Variants in C9orf43 observed in about 807,000 individuals in gnomAD.
C9orf43 encodes the protein uncharacterized protein C9orf43.
In C9orf43, 45 loss-of-function variants were observed where a neutral mutation model predicts 59.1. The ratio of observed to expected loss-of-function variants is 0.76; its 90% CI spans 0.60 to 0.98. The LOEUF is 0.98. C9orf43 is among the 50% of genes least tolerant of loss of function. C9orf43 has a pLI of 0.00. For missense variants in C9orf43, 533 were observed against 554.9 expected (o/e 0.96, Z 0.40); for synonymous variants, 203 against 196.8 (o/e 1.03, Z -0.26).
Position 113,429,604 on chromosome 9 carries a change from C to T in C9orf43, c.*218C>T, listed in dbSNP as rs556632365. 29 of 498,702 alleles carry T rather than the reference C, an allele frequency of 5.8e-5. No individual in the cohort carries two copies. The highest frequency in any genetic ancestry group is 5.4e-4 in the African/African-American group (28 of 51,828). The allele number at this position is 498,702 out of a possible 1,614,324, so 30.9% of individuals were successfully genotyped here. A position where few individuals can be genotyped will look rare whatever the true frequency, so the allele number is the denominator to read the frequency against. On this transcript the variant is annotated 3_prime_UTR_variant, in exon 14 of 14. Coordinates refer to ENST00000374165, the MANE Select transcript of C9orf43 (RefSeq NM_001278629.2). Reference sequence around the variant, plus strand: ...TCTAAAATAAATGTAGGAGAAAAATCCCCAGCCTTTTTAAATTTAGATTAT... The same window carrying T: ...TCTAAAATAAATGTAGGAGAAAAATTCCCAGCCTTTTTAAATTTAGATTAT...
rs190929797 is a variant in C9orf43, at chr9:113,421,309, G to A, written c.446+106G>A. On this transcript the variant is annotated intron_variant, in intron 5 of 13. Coordinates refer to ENST00000374165, the MANE Select transcript of C9orf43 (RefSeq NM_001278629.2). ...CCATTTAGCCAGCTCATTGCAAGTA[G>A]CAGGAGGCCAAGCAGAGAAGGTCGT... 3 of 769,470 alleles carry A rather than the reference G, an allele frequency of 3.9e-6. No homozygotes were observed. In the Admixed American group the frequency reaches 6.2e-5, roughly 16 times the overall value. 47.7% of individuals were successfully genotyped at this position (769,470 alleles called of 1,614,324 possible). A position where few individuals can be genotyped will look rare whatever the true frequency, so the allele number is the denominator to read the frequency against.
chr9:113,423,469 C>T lies in C9orf43; in HGVS notation c.627C>T (p.Ser209=), dbSNP rs138997899. The change falls in exon 7 of 14, where the codon TCC becomes TCT. Residue 209 remains serine (S), a synonymous_variant. Coordinates refer to ENST00000374165, the MANE Select transcript of C9orf43 (RefSeq NM_001278629.2). ...SSDFLPLWAQ[S]EALPQDLLKE... Reference sequence around the variant, plus strand: ...ATTTCCTACCTCTCTGGGCTCAATCCGAAGCGTTACCTCAGGATCTACTGA... The same window carrying T: ...ATTTCCTACCTCTCTGGGCTCAATCTGAAGCGTTACCTCAGGATCTACTGA... The T allele has an allele frequency of 1.4e-4, 228 of 1,613,898 alleles. No individual in the cohort carries two copies. Among genetic ancestry groups the T allele is most frequent in the African/African-American group, 6.4e-4 (48 of 74,986 alleles).
At chr9:113,426,759 C>T (rs565118102) in intron 11 of C9orf43, among the ~76,000 whole-genome samples, 1 of 152,314 alleles carries the variant, frequency 6.6e-6, no homozygotes, top group Non-Finnish European at 1.5e-5. Context: ...GTTCTGGTGC[C>T]TTTTGTACCC....
Position 113,421,118 on chromosome 9 carries a change from T to A in C9orf43, c.361T>A (p.Leu121Met). Residue 121 changes from leucine (L) to methionine (M), a missense_variant, in exon 5 of 14, where the codon TTG (leucine) becomes ATG (methionine). Transcript: ENST00000374165. ...NRLPKFPVLN[L>M]NETQLPCPED... ...TTTCTCTTAGTTTCCAGTGTTGAAT[T>A]TGAATGAGACGCAACTTCCCTGCCC... 5 of 1,613,640 alleles carry A rather than the reference T, an allele frequency of 3.1e-6. No homozygotes were observed. Among genetic ancestry groups the A allele is most frequent in the Non-Finnish European group, 4.2e-6 (5 of 1,179,712 alleles).
chr9:113,417,355 A>G (rs148159704), intron 3 of C9orf43, among the ~76,000 whole-genome samples: 1 of 152,276 alleles, frequency 6.6e-6, no homozygotes, highest in African/African-American at 2.4e-5. Flanking sequence ...TGTTTGTCCA[A>G]CTGGATTTTA....
rs112294212 is a variant in C9orf43, at chr9:113,422,837, G to C, written c.483+252G>C. On this transcript the variant is annotated intron_variant, in intron 6 of 13. Transcript: ENST00000374165. ...AGGAACTGTTGCGTGTTCAGGGGGGGAGTTTTTGGTCAATTAAAAACGAAT... is the reference window on the plus strand; with the variant it reads ...AGGAACTGTTGCGTGTTCAGGGGGGCAGTTTTTGGTCAATTAAAAACGAAT... Among the ~76,000 whole-genome samples the C allele has an allele frequency of 4.6e-5, 7 of 152,058 alleles. No individual in the cohort carries two copies. The South Asian group carries it at 6.2e-4, about 14-fold the overall frequency.
intron 12 of C9orf43, among the ~76,000 whole-genome samples, chr9:113,428,676 G>A (rs952956065): frequency 1.3e-5 from 2 of 152,128 alleles, no homozygotes; most frequent in Admixed American, 6.6e-5. Flanking sequence ...TTTGGAGGCC[G>A]TCTGCCCTTA....
intron 11 of C9orf43, 68 bp from the exon 12 acceptor site, chr9:113,428,079 C>A: frequency 6.5e-7 from 1 of 1,532,776 alleles, no homozygotes; most frequent in Middle Eastern, 1.7e-4. Flanking sequence ...TAGGGGTCAC[C>A]TAGAAGCCCC....
chr9:113,421,253 A>T, intron 5 of C9orf43, 50 bp downstream of exon 5: 18 of 1,347,148 alleles, frequency 1.3e-5, no homozygotes, highest in Non-Finnish European at 1.9e-5. Flanking sequence ...TAAATCCCTG[A>T]TGTCTTCTGC....
chr9:113,423,224 T>C, intron 6 of C9orf43, 102 bp from the exon 7 acceptor site: 1 of 1,144,880 alleles, frequency 8.7e-7, no homozygotes. Flanking sequence ...CAACCATGGC[T>C]GGAGTACATG....
Position 113,429,457 on chromosome 9 carries a change from C to G in C9orf43, c.*71C>G, listed in dbSNP as rs1828912803. On this transcript the variant is annotated 3_prime_UTR_variant, in exon 14 of 14. Transcript: ENST00000374165. ...TGTTCCAAAGCGGGATGGCTGGTAT[C>G]CTGAGGGCAGCAACGTTTCACATAA... 1.5e-6 allele frequency: 2 copies of G among 1,361,754 alleles called. No homozygotes were observed. Among genetic ancestry groups the G allele is most frequent in the Non-Finnish European group, 2.1e-6 (2 of 967,922 alleles). The allele number at this position is 1,361,754 out of a possible 1,614,324, so 84.4% of individuals were successfully genotyped here. A position where few individuals can be genotyped will look rare whatever the true frequency, so the allele number is the denominator to read the frequency against.
chr9:113,422,870 G>A (rs913680013), intron 6 of C9orf43, among the ~76,000 whole-genome samples: 1 of 152,074 alleles, frequency 6.6e-6, no homozygotes, highest in Non-Finnish European at 1.5e-5. Flanking sequence ...AATCCCCAAC[G>A]TGATCATATA....
At chr9:113,417,885 G>T (rs1449641781) in intron 3 of C9orf43, among the ~76,000 whole-genome samples, 1 of 152,186 alleles carries the variant, frequency 6.6e-6, no homozygotes, top group Admixed American at 6.5e-5. Context: ...CATAAAGCAG[G>T]CTGAGTGTTA....
chr9:113,429,339 G>C lies in C9orf43; in HGVS notation c.1339G>C (p.Asp447His), dbSNP rs1229645347. 6.2e-7 allele frequency: 1 copy of C among 1,614,192 alleles called. No homozygotes were observed. Among genetic ancestry groups the C allele is most frequent in the South Asian group, 1.1e-5 (1 of 91,082 alleles). ...SELKLLRILQ[D>H]TDDEDEEDQS... ...GCTCAAACTACTTAGGATTCTTCAG[G>C]ACACTGATGATGAGGATGAGGAGGA... The change falls in exon 14 of 14, where the codon GAC becomes CAC. Residue 447 changes from aspartate (D) to histidine (H), a missense_variant. Asp to His is a moderately conservative substitution (Grantham distance 81, BLOSUM62 -1). Coordinates refer to ENST00000374165, the MANE Select transcript of C9orf43 (RefSeq NM_001278629.2).
chr9:113,424,148 GTCC>G lies in C9orf43; in HGVS notation c.657-15_657-13del. The G allele has an allele frequency of 1.3e-6, 2 of 1,577,738 alleles. No homozygotes were observed. The highest frequency in any genetic ancestry group is 1.7e-6 in the Non-Finnish European group (2 of 1,164,844). ...AAGAGCTGTTGCTGACTGTCTGGCTGTCCTCTGTCCCCTTCAGACTTTTGCCAG... is the reference window on the plus strand; with the variant it reads ...AAGAGCTGTTGCTGACTGTCTGGCTGTCTGTCCCCTTCAGACTTTTGCCAG... On this transcript the variant is annotated splice_polypyrimidine_tract_variant and intron_variant, in intron 7 of 13. Coordinates refer to ENST00000374165, the MANE Select transcript of C9orf43 (RefSeq NM_001278629.2).
At chr9:113,425,779 A>G (rs1366156186) in intron 11 of C9orf43, 49 bp downstream of exon 11, 2 of 1,412,960 alleles carry the variant, frequency 1.4e-6, no homozygotes, top group African/African-American at 1.4e-5. Context: ...CCTGAGGGGT[A>G]GGTATCTGAG....
intron 5 of C9orf43, among the ~76,000 whole-genome samples, chr9:113,421,666 C>T (rs1463091002): frequency 2.0e-5 from 3 of 152,086 alleles, no homozygotes; most frequent in Non-Finnish European, 4.4e-5. Flanking sequence ...CAAAGGCTTG[C>T]TAATATTGAC....
rs959251537 is a variant in C9orf43 at position 113,413,769 on chromosome 9, A to G, written c.162A>G (p.Pro54=). ...KTPLDAEDKL[P]VLTVVDILDS... ...GGTCTGCCTTCTTAGATAAACTCCC[A>G]GTGCTCACCGTGGTAGACATCTTAG... The change falls in exon 3 of 14, where the codon CCA becomes CCG. Residue 54 remains proline, a synonymous_variant. Coordinates refer to ENST00000374165, the MANE Select transcript of C9orf43 (RefSeq NM_001278629.2). 5 of 1,613,880 alleles carry G rather than the reference A, an allele frequency of 3.1e-6. No homozygotes were observed. The highest frequency in any genetic ancestry group is 3.3e-5 in the Admixed American group (2 of 59,978).
At chr9:113,411,441 G>A (rs1828144281) in intron 1 of C9orf43, among the ~76,000 whole-genome samples, 1 of 151,820 alleles carries the variant, frequency 6.6e-6, no homozygotes, top group South Asian at 2.1e-4. Flanking sequence ...TGGGACTACA[G>A]ACGCCCGCCA....
Sources: gnomAD v4.1 joint callset for allele counts (sites outside exome capture counted in the v4.1 genomes callset) on GRCh38, gnomAD v4.1.1 for gene constraint, MANE v1.5 for transcripts, NCBI Gene and HGNC (gene_info 2026-07-23, HGNC 2026-07-21) for gene names.